Variants in RASA1 observed in about 807,000 individuals in gnomAD.
RASA1 encodes ras GTPase-activating protein 1.
A neutral mutation model predicts 132.2 loss-of-function variants in RASA1; 25 were observed. The ratio of observed to expected loss-of-function variants is 0.19; its 90% CI spans 0.14 to 0.26. The LOEUF (loss-of-function observed/expected upper bound fraction) is 0.26, where lower values mean the gene tolerates loss of function less well. Among genes scored for constraint, RASA1 ranks in the 10% least tolerant of loss-of-function variants. The pLI is 1.00. For missense variants in RASA1, 964 were observed against 1,299.2 expected (o/e 0.74, Z 3.97); for synonymous variants, 477 against 449.9 (o/e 1.06, Z -0.76).
intron 1 of RASA1, among the ~76,000 whole-genome samples, chr5:87,303,939 T>C (rs1371728880): frequency 6.6e-6 from 1 of 151,634 alleles, no homozygotes; most frequent in Non-Finnish European, 1.5e-5. Context: ...GTTCAAGTGA[T>C]TCTCCTGCCT....
At chr5:87,335,593 T>A (rs368310760) in intron 4 of RASA1, among the ~76,000 whole-genome samples, 1 of 151,386 alleles carries the variant, frequency 6.6e-6, no homozygotes, top group Admixed American at 6.6e-5. Context: ...ACCTGGCTAA[T>A]TTTGATATTT....
Position 87,376,409 on chromosome 5 carries a change from G to T in RASA1, c.2028G>T (p.Gln676His). 3 of 1,613,918 alleles carry T rather than the reference G, an allele frequency of 1.9e-6. No individual in the cohort carries two copies. Among genetic ancestry groups the T allele is most frequent in the Non-Finnish European group, 1.7e-6 (2 of 1,179,958 alleles). ...CTTCCCAAGTATTTATGCGCTGCCA[G>T]TTGAGCCGATTACAGAAAGGGCATG... ...KDPDILFMRC[Q>H]LSRLQKGHAT... is the part of the protein sequence containing the mutation. Residue 676 changes from glutamine (Q) to histidine (H), a missense_variant, in exon 16 of 25, where the codon CAG becomes CAT. Around this residue, in one of 6 missense-constraint regions of RASA1, gnomAD observed 346 missense variants for 520.1 expected, o/e 0.67. Coordinates refer to ENST00000274376, the MANE Select transcript of RASA1 (RefSeq NM_002890.3).
chr5:87,277,792 A>G (rs897543698), intron 1 of RASA1, among the ~76,000 whole-genome samples: 2 of 152,058 alleles, frequency 1.3e-5, no homozygotes, highest in Non-Finnish European at 2.9e-5. Context: ...TGGGAGAGAA[A>G]ATCTTGCCTT....
intron 10 of RASA1, 148 bp from the exon 11 acceptor site, chr5:87,363,200 G>A: frequency 1.4e-6 from 1 of 729,222 alleles, no homozygotes. Context: ...TTTGTTATAG[G>A]CATTTTCTCA....
intron 7 of RASA1, among the ~76,000 whole-genome samples, chr5:87,347,907 T>C (rs954084578): frequency 2.6e-5 from 4 of 151,990 alleles, no homozygotes; most frequent in Non-Finnish European, 5.9e-5. Context: ...TTTTAAGTCA[T>C]ACAAGGTTGA....
chr5:87,385,402 T>C lies in RASA1; in HGVS notation c.2847+13T>C. 6.4e-7 allele frequency: 1 copy of C among 1,560,348 alleles called. No individual in the cohort carries two copies. On this transcript the variant is annotated intron_variant, in intron 22 of 24. Coordinates refer to ENST00000274376, the MANE Select transcript of RASA1 (RefSeq NM_002890.3). ...ATTTGGAGCTAAGGTAAAAACATTT[T>C]GATACTTTAAAATGTAATTTATGAA...
chr5:87,317,875 A>G (rs1006855310), intron 1 of RASA1, among the ~76,000 whole-genome samples: 1 of 152,052 alleles, frequency 6.6e-6, no homozygotes, highest in Non-Finnish European at 1.5e-5. Context: ...AGCTCAAGCA[A>G]TCCGCCCACC....
chr5:87,371,478 TTC>T (rs1760935810), intron 12 of RASA1, among the ~76,000 whole-genome samples: 1 of 152,172 alleles, frequency 6.6e-6, no homozygotes. Flanking sequence ...TAAACCTTAG[TTC>T]TCTCCTTTTC....
intron 22 of RASA1, 126 bp downstream of exon 22, chr5:87,385,515 G>T (rs1762004659): frequency 1.4e-6 from 1 of 735,020 alleles, no homozygotes; most frequent in Non-Finnish European, 2.3e-6. Context: ...TATTTTTGTT[G>T]GTATGTTTGT....
Position 87,268,128 on chromosome 5 carries a change from C to T in RASA1, c.-324C>T. ...CAGCCTCTTTCCCTGTGCTTCCTTT[C>T]CTCTTTAGTGCAGCGAGGAAGTTTT... On this transcript the variant is annotated 5_prime_UTR_variant, in exon 1 of 25. Transcript: ENST00000274376. The T allele has an allele frequency of 2.4e-6, 1 of 424,624 alleles. No homozygotes were observed. Among genetic ancestry groups the T allele is most frequent in the Non-Finnish European group, 4.2e-6 (1 of 240,924 alleles). The allele number at this position is 424,624 out of a possible 1,614,324, so 26.3% of individuals were successfully genotyped here. A position where few individuals can be genotyped will look rare whatever the true frequency, so the allele number is the denominator to read the frequency against.
At chr5:87,359,569 T>C (rs1759920242) in intron 9 of RASA1, among the ~76,000 whole-genome samples, 1 of 152,142 alleles carries the variant, frequency 6.6e-6, no homozygotes, top group Admixed American at 6.5e-5. Flanking sequence ...ATTAGTGTGG[T>C]TACATGTCTT....
chr5:87,319,921 C>T (rs902413070), intron 1 of RASA1, among the ~76,000 whole-genome samples: 1 of 152,222 alleles, frequency 6.6e-6, no homozygotes, highest in Non-Finnish European at 1.5e-5. Flanking sequence ...TTCACACCGT[C>T]TCTTCATACA....
chr5:87,292,367 C>CTTTTTTTTT (rs76957126), intron 1 of RASA1, among the ~76,000 whole-genome samples: 1 of 120,226 alleles, frequency 8.3e-6, no homozygotes, highest in Non-Finnish European at 1.8e-5. Flanking sequence ...TGTTTACATT[C>CTTTTTTTTT]TTTTTTTTTT....
intron 9 of RASA1, among the ~76,000 whole-genome samples, chr5:87,357,935 T>TATA (rs1353582048): frequency 6.6e-6 from 1 of 152,176 alleles, no homozygotes; most frequent in Non-Finnish European, 1.5e-5. Flanking sequence ...CAGAAACTAT[T>TATA]AAGTGCTATT....
chr5:87,346,777 G>A, intron 7 of RASA1, 53 bp downstream of exon 7: 2 of 1,342,532 alleles, frequency 1.5e-6, no homozygotes, highest in Non-Finnish European at 2.1e-6. Context: ...GAATAAAAAA[G>A]TGAACAAACC....
At chr5:87,350,482 A>G (rs1759182484) in intron 8 of RASA1, among the ~76,000 whole-genome samples, 1 of 151,838 alleles carries the variant, frequency 6.6e-6, no homozygotes, top group African/African-American at 2.4e-5. Context: ...TCCTTTTTAA[A>G]GATAAAATAA....
chr5:87,338,143 T>C, intron 5 of RASA1, 52 bp downstream of exon 5: 2 of 1,606,436 alleles, frequency 1.2e-6, no homozygotes, highest in Admixed American at 3.4e-5. Flanking sequence ...TTTTATAAAT[T>C]TGGATCTTGT....
intron 1 of RASA1, among the ~76,000 whole-genome samples, chr5:87,296,044 T>G (rs1698643924): frequency 6.6e-6 from 1 of 152,210 alleles, no homozygotes; most frequent in South Asian, 2.1e-4. Context: ...GTTGAATTCC[T>G]GACCTCGAGT....
At chr5:87,344,097 G>A (rs1330743527) in intron 6 of RASA1, among the ~76,000 whole-genome samples, 2 of 152,048 alleles carry the variant, frequency 1.3e-5, no homozygotes, top group African/African-American at 2.4e-5. Context: ...GATACAATAT[G>A]GCTGATTAAT....
Sources: gnomAD v4.1 joint callset for allele counts (sites outside exome capture counted in the v4.1 genomes callset) on GRCh38, gnomAD v4.1.1 for gene constraint, gnomAD v4.1.1 regional missense constraint, MANE v1.5 for transcripts, NCBI Gene and HGNC (gene_info 2026-07-23, HGNC 2026-07-21) for gene names.